CSMD3: variants seen among roughly 807,000 people sequenced by gnomAD.
The protein encoded by CSMD3 is CUB and sushi domain-containing protein 3.
In CSMD3, 177 loss-of-function variants were observed where a neutral mutation model predicts 435.2. That is an observed-to-expected ratio of 0.41 (90% CI 0.36 to 0.46). The LOEUF (loss-of-function observed/expected upper bound fraction) is 0.46. Among genes scored for constraint, CSMD3 ranks in the 20% least tolerant of loss-of-function variants. CSMD3 has a pLI of 0.34. For synonymous variants in CSMD3, 1,656 were observed against 1,520.5 expected, an observed-to-expected ratio of 1.09 and a Z score of -2.07; for missense variants, 4,265 against 4,504.6, an observed-to-expected ratio of 0.95 and a Z score of 1.52.
intron 2 of CSMD3, among the ~76,000 whole-genome samples, chr8:113,279,130 G>A (rs1025767796): frequency 1.4e-4 from 21 of 150,874 alleles, no homozygotes; most frequent in Admixed American, 6.6e-5. Flanking sequence ...AACCTATTAA[G>A]GCAATATTTA....
intron 8 of CSMD3, among the ~76,000 whole-genome samples, chr8:112,949,937 A>G (rs1005669605): frequency 2.0e-5 from 3 of 151,952 alleles, no homozygotes; most frequent in Non-Finnish European, 4.4e-5. Context: ...CCTATCTAAT[A>G]TTCAAGACTT....
intron 3 of CSMD3, among the ~76,000 whole-genome samples, chr8:113,193,901 T>C (rs1027845910): frequency 6.6e-6 from 1 of 151,470 alleles, no homozygotes; most frequent in Non-Finnish European, 1.5e-5. Context: ...TTGGAGTTAT[T>C]ATTTAGCAAA....
In CSMD3 at chr8:112,314,097, C is replaced by A. The variant is rs73700620; in HGVS notation, c.7550-45G>T. 11,171 of 1,423,546 alleles carry A rather than the reference C, an allele frequency of 7.8e-3. 719 individuals are homozygous for A. In the African/African-American group the frequency reaches 0.14, roughly 18 times the overall value. The allele number at this position is 1,423,546 out of a possible 1,614,324, so 88.2% of individuals were successfully genotyped here. ...CAATTTAGATAAAGCTAATTATATT[C>A]TCATTTGTCTTTAGTATTTTATATC... On this transcript the variant is annotated intron_variant, in intron 48 of 70. Coordinates refer to ENST00000297405, the MANE Select transcript of CSMD3 (RefSeq NM_198123.2).
At chr8:112,350,841 G>A (rs1288006718) in intron 40 of CSMD3, among the ~76,000 whole-genome samples, 2 of 151,924 alleles carry the variant, frequency 1.3e-5, no homozygotes, top group East Asian at 3.9e-4. Context: ...GTAAGCAATA[G>A]AATATTTACT....
intron 10 of CSMD3, among the ~76,000 whole-genome samples, chr8:112,871,542 G>A (rs1024416050): frequency 2.6e-5 from 4 of 152,026 alleles, no homozygotes; most frequent in Admixed American, 6.6e-5. Flanking sequence ...AAGTTAGAGC[G>A]CTGTTGTTTT....
At chr8:112,813,977 A>G (rs1235442641) in intron 12 of CSMD3, among the ~76,000 whole-genome samples, 2 of 152,206 alleles carry the variant, frequency 1.3e-5, no homozygotes, top group Non-Finnish European at 2.9e-5. Flanking sequence ...TGCACAAGCC[A>G]GTTGGAAATG....
At chr8:112,647,479 T>G (rs2075014123) in intron 19 of CSMD3, among the ~76,000 whole-genome samples, 1 of 152,090 alleles carries the variant, frequency 6.6e-6, no homozygotes, top group Non-Finnish European at 1.5e-5. Flanking sequence ...GCTAATTTTT[T>G]TGTATTTTTG....
chr8:112,773,249 T>A (rs1026121882), intron 13 of CSMD3, among the ~76,000 whole-genome samples: 7 of 152,006 alleles, frequency 4.6e-5, no homozygotes, highest in Non-Finnish European at 8.8e-5. Flanking sequence ...ATAAGTTGAT[T>A]TAGTATCCTT....
intron 27 of CSMD3, among the ~76,000 whole-genome samples, chr8:112,527,981 A>C (rs899956002): frequency 6.6e-6 from 1 of 152,156 alleles, no homozygotes; most frequent in African/African-American, 2.4e-5. Flanking sequence ...CAAAGTGATG[A>C]AATTCGTATA....
chr8:113,226,482 G>C (rs2093030419), intron 3 of CSMD3, among the ~76,000 whole-genome samples: 1 of 151,544 alleles, frequency 6.6e-6, no homozygotes, highest in Non-Finnish European at 1.5e-5. Context: ...GTCTGAAAAA[G>C]CAGATGTTTG....
intron 13 of CSMD3, among the ~76,000 whole-genome samples, chr8:112,716,745 A>G (rs372603007): frequency 1.3e-5 from 2 of 152,190 alleles, no homozygotes; most frequent in African/African-American, 2.4e-5. Flanking sequence ...CCAATGGAAC[A>G]GAACAGAGAC....
chr8:113,308,532 T>G (rs1218650542), intron 2 of CSMD3, among the ~76,000 whole-genome samples: 1 of 152,138 alleles, frequency 6.6e-6, no homozygotes, highest in Non-Finnish European at 1.5e-5. Context: ...CCTCCCAAAG[T>G]GCTGGCATTA....
intron 32 of CSMD3, among the ~76,000 whole-genome samples, chr8:112,443,741 A>G (rs1260082428): frequency 2.0e-5 from 3 of 152,122 alleles, no homozygotes; most frequent in African/African-American, 7.2e-5. Flanking sequence ...AAGGACAGGT[A>G]ATATCTGGCT....
intron 1 of CSMD3, among the ~76,000 whole-genome samples, chr8:113,422,751 G>C (rs1022801800): frequency 6.6e-6 from 1 of 151,752 alleles, no homozygotes; most frequent in African/African-American, 2.4e-5. Context: ...AGAGAGAGAC[G>C]AAAAAAAATG....
intron 16 of CSMD3, among the ~76,000 whole-genome samples, chr8:112,672,910 C>T (rs1335660879): frequency 6.6e-6 from 1 of 151,962 alleles, no homozygotes. Flanking sequence ...TAAAATTCTC[C>T]TGAATAAAAA....
chr8:112,587,103 G>A lies in CSMD3; in HGVS notation c.3848C>T (p.Ala1283Val), dbSNP rs1289460487. Residue 1283 changes from alanine to valine, a missense_variant, in exon 23 of 71, where the codon GCC (alanine) becomes GTC (valine). Ala to Val is a moderately conservative substitution (Grantham distance 64, BLOSUM62 0). Around this residue, in one of 3 missense-constraint regions of CSMD3, gnomAD observed 3,255 missense variants for 3,380.2 expected, o/e 0.96. Transcript: ENST00000297405. ...TCCTTGTGCTAAATGAAATGTTCTG[G>A]CTGAAATATTGATTCCCTTTCCTGC... ...VQAGKGINISARTFHLAQGDV... is the reference protein window; with the variant it reads ...VQAGKGINISVRTFHLAQGDV... The A allele has an allele frequency of 1.9e-6, 3 of 1,610,762 alleles. No homozygotes were observed. Among genetic ancestry groups the A allele is most frequent in the Non-Finnish European group, 2.5e-6 (3 of 1,177,790 alleles).
At chr8:112,957,369 C>T (rs2084059445) in intron 7 of CSMD3, among the ~76,000 whole-genome samples, 1 of 152,170 alleles carries the variant, frequency 6.6e-6, no homozygotes, top group Non-Finnish European at 1.5e-5. Context: ...AAAATGTTTA[C>T]ACAGTGTGTC....
chr8:112,390,438 T>C (rs1468203655), intron 36 of CSMD3, among the ~76,000 whole-genome samples: 1 of 152,242 alleles, frequency 6.6e-6, no homozygotes, highest in Non-Finnish European at 1.5e-5. Context: ...CAAGATTCCA[T>C]GTTATATGGG....
intron 52 of CSMD3, 42 bp downstream of exon 52, chr8:112,304,679 A>C: frequency 6.8e-7 from 1 of 1,460,836 alleles, no homozygotes; most frequent in South Asian, 1.1e-5. Context: ...TTCGATAACC[A>C]AACATAGCTT....
Sources: gnomAD v4.1 joint callset for allele counts (sites outside exome capture counted in the v4.1 genomes callset) on GRCh38, gnomAD v4.1.1 for gene constraint, gnomAD v4.1.1 regional missense constraint, MANE v1.5 for transcripts, NCBI Gene and HGNC (gene_info 2026-07-23, HGNC 2026-07-21) for gene names.